The following ANKS1B variants were observed in gnomAD, a reference collection of about 807,000 sequenced individuals.
ANKS1B encodes ankyrin repeat and sterile alpha motif domain-containing protein 1B.
A neutral mutation model predicts 148.3 loss-of-function variants in ANKS1B; 36 were observed. That is an observed-to-expected ratio of 0.24 (90% CI 0.19 to 0.32). The LOEUF (loss-of-function observed/expected upper bound fraction) is 0.32. Ranked by LOEUF, ANKS1B falls within the 10% of genes least tolerant of loss-of-function variation. The pLI is 1.00. For missense variants in ANKS1B, 1,157 were observed against 1,542.6 expected (o/e 0.75, Z 4.19); for synonymous variants, 542 against 560.8 (o/e 0.97, Z 0.47).
At chr12:99,707,105 T>TA (rs2153530037) in intron 8 of ANKS1B, among the ~76,000 whole-genome samples, 1 of 152,192 alleles carries the variant, frequency 6.6e-6, no homozygotes, top group East Asian at 1.9e-4. Context: ...AATAGATGAA[T>TA]AAAGGATCTA....
chr12:99,658,130 C>T (rs572620468), intron 8 of ANKS1B, among the ~76,000 whole-genome samples: 2 of 152,242 alleles, frequency 1.3e-5, no homozygotes, highest in South Asian at 4.2e-4. Context: ...CTTTCTTTCA[C>T]CTTACTTGTC....
chr12:98,742,027 T>G (rs1353337269), downstream of ANKS1B, among the ~76,000 whole-genome samples: 3 of 152,168 alleles, frequency 2.0e-5, no homozygotes, highest in Non-Finnish European at 4.4e-5. Flanking sequence ...GAGCTGACTT[T>G]GGTTGTAAAA....
chr12:98,935,010 T>A (rs1256827380), intron 17 of ANKS1B, among the ~76,000 whole-genome samples: 3 of 152,172 alleles, frequency 2.0e-5, no homozygotes, highest in Non-Finnish European at 2.9e-5. Context: ...CCCAGTATTA[T>A]GTTGAATAGA....
At chr12:99,013,366 G>A (rs1360390970) in intron 17 of ANKS1B, among the ~76,000 whole-genome samples, 1 of 149,614 alleles carries the variant, frequency 6.7e-6, no homozygotes, top group African/African-American at 2.5e-5. Context: ...CATAATATGG[G>A]AAGTAGACAT....
intron 10 of ANKS1B, among the ~76,000 whole-genome samples, chr12:99,467,509 G>T (rs1489991576): frequency 1.3e-5 from 2 of 152,316 alleles, no homozygotes; most frequent in Non-Finnish European, 2.9e-5. Flanking sequence ...GTCCCTGTTC[G>T]CAGATGACAT....
intron 9 of ANKS1B, among the ~76,000 whole-genome samples, chr12:99,538,775 G>A (rs933352454): frequency 1.1e-4 from 17 of 152,070 alleles, no homozygotes; most frequent in Admixed American, 2.0e-4. Flanking sequence ...CCAGTACTAC[G>A]TTGAATAATA....
chr12:99,224,078 A>C (rs1456863786), intron 14 of ANKS1B, among the ~76,000 whole-genome samples: 1 of 152,292 alleles, frequency 6.6e-6, no homozygotes, highest in East Asian at 1.9e-4. Context: ...TTTCAGGAAG[A>C]AATGCCTGTA....
intron 15 of ANKS1B, among the ~76,000 whole-genome samples, chr12:99,128,585 A>C (rs770546562): frequency 2.0e-5 from 3 of 152,206 alleles, no homozygotes; most frequent in Admixed American, 6.5e-5. Context: ...TCCAGCCAAT[A>C]AACAGAAACT....
At chr12:99,489,199 G>A (rs1189292987) in intron 10 of ANKS1B, among the ~76,000 whole-genome samples, 3 of 147,232 alleles carry the variant, frequency 2.0e-5, no homozygotes, top group African/African-American at 7.6e-5. Context: ...CGGAGATGAC[G>A]CCATTGCACT....
intron 15 of ANKS1B, among the ~76,000 whole-genome samples, chr12:99,106,407 A>G (rs1002691752): frequency 1.3e-5 from 2 of 152,232 alleles, no homozygotes; most frequent in East Asian, 1.9e-4. Flanking sequence ...GTCCTTCTAC[A>G]CTTGAGTGGC....
At chr12:99,617,285 T>A (rs1000775116) in intron 9 of ANKS1B, among the ~76,000 whole-genome samples, 3 of 152,186 alleles carry the variant, frequency 2.0e-5, no homozygotes, top group South Asian at 2.1e-4. Context: ...AGCAATCCCA[T>A]TACCAGGCAT....
At chr12:99,108,499 AATAAC>A (rs1470385549) in intron 15 of ANKS1B, among the ~76,000 whole-genome samples, 5 of 152,222 alleles carry the variant, frequency 3.3e-5, no homozygotes, top group Non-Finnish European at 7.3e-5. Context: ...GGGGTTCATA[AATAAC>A]ATTCAGCAAT....
rs748190703 is a variant in ANKS1B, at chr12:98,832,041, G to A, written c.2874C>T (p.Ser958=). The part of the protein sequence containing the change: ...HDDPPQKPPR[S]ITLREPSGNH... The stretch of plus-strand genomic sequence containing the variant: ...GCTTGGCACTTACCCTGAGGGTGAT[G>A]GACCGAGGGGGCTTCTGTGGGGGAT... Residue 958 remains serine, a synonymous_variant, in exon 18 of 27, where the codon TCC becomes TCT. Coordinates refer to ENST00000683438, the MANE Select transcript of ANKS1B (RefSeq NM_001352186.2). 5.0e-6 allele frequency: 8 copies of A among 1,591,386 alleles called. No individual in the cohort carries two copies. In the South Asian group the frequency reaches 6.9e-5, roughly 14 times the overall value.
chr12:98,947,701 T>C (rs1469153291), intron 17 of ANKS1B, among the ~76,000 whole-genome samples: 1 of 152,206 alleles, frequency 6.6e-6, no homozygotes, highest in East Asian at 1.9e-4. Context: ...TTATTTTCCA[T>C]AGTCTTTGAG....
rs1255526459 is a variant in ANKS1B, at chr12:99,110,483, G to A, written c.2527-25460C>T. On this transcript the variant is annotated intron_variant, in intron 15 of 26. Transcript: ENST00000683438. ...GGAGACAGAAGTGGTAGCACTGATT[G>A]GAGAATTATATTTTGAAGAGTTCTA... Among the ~76,000 whole-genome samples, 8 of 152,242 alleles carry A rather than the reference G, an allele frequency of 5.3e-5. No individual in the cohort carries two copies. The East Asian group carries it at 1.5e-3, about 29-fold the overall frequency.
At chr12:99,584,428 C>T (rs553558613) in intron 9 of ANKS1B, among the ~76,000 whole-genome samples, 15 of 152,000 alleles carry the variant, frequency 9.9e-5, no homozygotes, top group South Asian at 2.1e-4. Context: ...GGTGAAACTC[C>T]GTCTCAATGA....
intron 12 of ANKS1B, among the ~76,000 whole-genome samples, chr12:99,291,911 AT>A (rs1178417810): frequency 6.6e-6 from 1 of 152,234 alleles, no homozygotes; most frequent in African/African-American, 2.4e-5. Context: ...ATGGGGAAGG[AT>A]TCCCTGTTTA....
At chr12:99,691,778 T>C (rs1160768434) in intron 8 of ANKS1B, among the ~76,000 whole-genome samples, 1 of 152,212 alleles carries the variant, frequency 6.6e-6, no homozygotes, top group Non-Finnish European at 1.5e-5. Flanking sequence ...AATTTTCAAG[T>C]ATCCTTGTAG....
At chr12:99,321,466 CAGTG>C (rs2085257667) in intron 12 of ANKS1B, among the ~76,000 whole-genome samples, 1 of 152,204 alleles carries the variant, frequency 6.6e-6, no homozygotes, top group African/African-American at 2.4e-5. Flanking sequence ...GCTGTGCTAG[CAGTG>C]AGTGAGGCTC....
Sources: allele counts gnomAD v4.1 joint callset (sites outside exome capture counted in the v4.1 genomes callset), GRCh38; gene constraint gnomAD v4.1.1; transcripts MANE v1.5; gene names NCBI Gene and HGNC (gene_info 2026-07-23, HGNC 2026-07-21).